The following RNF207 variants were observed in gnomAD, a reference collection of about 807,000 sequenced individuals.
The protein encoded by RNF207 is ring finger protein 207, also known as OTTHUMG00000001089.
RNF207 carries 72 observed loss-of-function variants against 79.0 expected under a neutral mutation model. The observed-to-expected ratio is 0.91, with a 90% confidence interval of 0.75 to 1.11. The LOEUF (loss-of-function observed/expected upper bound fraction) is 1.11. Ranked by LOEUF, RNF207 falls within the 50% of genes least tolerant of loss-of-function variation. The pLI is 0.00. For missense variants in RNF207, 936 were observed against 855.8 expected (o/e 1.09, Z -1.17); for synonymous variants, 348 against 366.2 (o/e 0.95, Z 0.57).
chr1:6,208,753 A>G, intron 3 of RNF207, 128 bp from the exon 4 acceptor site: 1 of 942,588 alleles, frequency 1.1e-6, no homozygotes. Flanking sequence ...GATTACAGGA[A>G]AGGGCTGCGT....
chr1:6,220,980 T>A lies in RNF207; in HGVS notation c.*1573T>A, dbSNP rs1224620503. The A allele has an allele frequency of 6.6e-6, 1 of 152,254 alleles. No homozygotes were observed. 9.4% of individuals were successfully genotyped at this position (152,254 alleles called of 1,614,324 possible). A position where few individuals can be genotyped will look rare whatever the true frequency, so the allele number is the denominator to read the frequency against. ...TGACGTCCACTGTCCCTGCACCTGC[T>A]ACTTCAGGGGCACTGAGGCTCCTGT... On this transcript the variant is annotated 3_prime_UTR_variant, in exon 18 of 18. Coordinates refer to ENST00000377939, the MANE Select transcript of RNF207 (RefSeq NM_207396.3).
Position 6,211,842 on chromosome 1 carries a change from G to T in RNF207, c.1110-25G>T. 6.5e-7 allele frequency: 1 copy of T among 1,534,994 alleles called. No individual in the cohort carries two copies. The highest frequency in any genetic ancestry group is 8.8e-7 in the Non-Finnish European group (1 of 1,136,476). On this transcript the variant is annotated intron_variant, in intron 12 of 17. Transcript: ENST00000377939. This position sits in a 1 kb window ranked among gnomAD's most constrained non-coding sequence, Gnocchi z 4.2. ...GAGGGGCAGACTTCCCCACCCCCCT[G>T]CATCCACACTGGCTCTCTCCCCAGG...
Position 6,206,631 on chromosome 1 carries a change from C to G in RNF207, c.96C>G (p.Tyr32Ter). ...PLVCPLCHVQYERPCLLDCFH... is the reference protein window; with the variant it reads ...PLVCPLCHVQ ...TGTGCCCGCTGTGCCACGTGCAGTA[C>G]GAGCGCCCGTGTCTTCTGGACTGTT... Residue 32 changes from tyrosine (Y) to a stop codon, truncating the protein, a stop_gained, in exon 2 of 18, where the codon TAC becomes TAG. Transcript: ENST00000377939. LOFTEE classifies it high-confidence loss of function. 1 of 1,608,098 alleles carries G rather than the reference C, an allele frequency of 6.2e-7. No individual in the cohort carries two copies. Among genetic ancestry groups the G allele is most frequent in the South Asian group, 1.1e-5 (1 of 91,070 alleles).
intron 16 of RNF207, among the ~76,000 whole-genome samples, chr1:6,218,070 C>A (rs1489404495): frequency 6.6e-6 from 1 of 152,282 alleles, no homozygotes; most frequent in Admixed American, 6.5e-5. Context: ...CCGACCAGCA[C>A]GCAGCTTCCA....
rs779911386 is a variant in RNF207 at position 6,207,886 on chromosome 1, G to A, written c.324+375G>A. ...GCATAGAAGCAGCTACAGCCCAGGG[G>A]AGGTGGGGACAGCATGCTGTTCCCT... On this transcript the variant is annotated intron_variant, in intron 3 of 17. Transcript: ENST00000377939. The surrounding 1 kb of genome is among the most constrained non-coding windows in gnomAD (Gnocchi z 4.5). 1.3e-4 allele frequency: 55 copies of A among 411,238 alleles called. No homozygotes were observed. The highest frequency in any genetic ancestry group is 2.3e-4 in the Non-Finnish European group (48 of 210,568). The allele number at this position is 411,238 out of a possible 1,614,324, so 25.5% of individuals were successfully genotyped here.
chr1:6,207,592 T>G lies in RNF207; in HGVS notation c.324+81T>G, dbSNP rs1421639936. On this transcript the variant is annotated intron_variant, in intron 3 of 17. Coordinates refer to ENST00000377939, the MANE Select transcript of RNF207 (RefSeq NM_207396.3). This position sits in a 1 kb window ranked among gnomAD's most constrained non-coding sequence, Gnocchi z 4.5. ...CCAATGCTTGCACATGCACTCAGCA[T>G]GTCTTCAGAGGACGACCTGGCAGTG... The G allele has an allele frequency of 1.4e-6, 2 of 1,469,986 alleles. No homozygotes were observed. Among genetic ancestry groups the G allele is most frequent in the Admixed American group, 3.9e-5 (2 of 51,058 alleles). 91.1% of individuals were successfully genotyped at this position (1,469,986 alleles called of 1,614,324 possible). A position where few individuals can be genotyped will look rare whatever the true frequency, so the allele number is the denominator to read the frequency against.
intron 2 of RNF207, 70 bp downstream of exon 2, chr1:6,206,796 G>C (rs1667924473): frequency 2.9e-6 from 4 of 1,364,000 alleles, no homozygotes; most frequent in Non-Finnish European, 4.0e-6. Context: ...CTCTGCCCGA[G>C]CTGGGACCCA....
At position 6,212,265 on chromosome 1, in the gene RNF207, A is replaced by G. The variant is rs1668205564; in HGVS notation, c.1331A>G (p.Gln444Arg). The change falls in exon 14 of 18, where the codon CAG (glutamine) becomes CGG (arginine). Residue 444 changes from glutamine (Q) to arginine (R), a missense_variant. Physicochemically the swap from Gln to Arg is conservative, Grantham distance 43 (BLOSUM62 1). Transcript: ENST00000377939. ...GCAGAGATGCAGAGCCTAAAGGACC[A>G]GGTACAGGAGCTGCACCGAGACCTC... is the stretch of plus-strand genomic sequence containing the variant. ...LQAEMQSLKD[Q>R]VQELHRDLTK... 1.2e-6 allele frequency: 2 copies of G among 1,613,528 alleles called. No homozygotes were observed. Among genetic ancestry groups the G allele is most frequent in the East Asian group, 2.2e-5 (1 of 44,882 alleles).
Position 6,207,673 on chromosome 1 carries a change from C to A in RNF207, c.324+162C>A, listed in dbSNP as rs765625806. Reference sequence around the variant, plus strand: ...GCCCCAAATGTGAACCCCATTATACCGGTGGGGAGACTGAGGTCCAGAACA... The same window carrying A: ...GCCCCAAATGTGAACCCCATTATACAGGTGGGGAGACTGAGGTCCAGAACA... On this transcript the variant is annotated intron_variant, in intron 3 of 17. Transcript: ENST00000377939. This position sits in a 1 kb window ranked among gnomAD's most constrained non-coding sequence, Gnocchi z 4.5. The A allele has an allele frequency of 1.2e-4, 95 of 811,434 alleles. 1 individual carries two copies. Among genetic ancestry groups the A allele is most frequent in the Non-Finnish European group, 1.8e-4 (87 of 484,856 alleles). 50.3% of individuals were successfully genotyped at this position (811,434 alleles called of 1,614,324 possible). A position where few individuals can be genotyped will look rare whatever the true frequency, so the allele number is the denominator to read the frequency against.
rs902180495 is a variant in RNF207, at chr1:6,209,380, G to A, written c.628-34G>A. The A allele has an allele frequency of 6.6e-6, 10 of 1,525,656 alleles. No homozygotes were observed. In the African/African-American group the frequency reaches 1.1e-4, roughly 17 times the overall value. The allele number at this position is 1,525,656 out of a possible 1,614,324, so 94.5% of individuals were successfully genotyped here. On this transcript the variant is annotated intron_variant, in intron 6 of 17. Coordinates refer to ENST00000377939, the MANE Select transcript of RNF207 (RefSeq NM_207396.3). ...GGCCTGGCGCGCGGGGCCGCGCGGC[G>A]GCGATCGCGAGCCTGACCACGCCCT...
At chr1:6,206,959 C>T (rs1667932752) in intron 2 of RNF207, among the ~76,000 whole-genome samples, 2 of 152,208 alleles carry the variant, frequency 1.3e-5, no homozygotes, top group South Asian at 4.1e-4. Context: ...GGCCCAAGAC[C>T]TCCCATCAAA....
intron 9 of RNF207, 27 bp downstream of exon 9, chr1:6,210,322 G>C: frequency 6.2e-7 from 1 of 1,613,142 alleles, no homozygotes; most frequent in Non-Finnish European, 8.5e-7. Context: ...GTGCGGGTGG[G>C]TCCCTCCTCC....
Position 6,210,220 on chromosome 1 carries a change from C to A in RNF207, c.801-3C>A. 6.2e-7 allele frequency: 1 copy of A among 1,613,082 alleles called. No individual in the cohort carries two copies. Among genetic ancestry groups the A allele is most frequent in the Non-Finnish European group, 8.5e-7 (1 of 1,179,476 alleles). Reference sequence around the variant, plus strand: ...TGGAAACCAGGCAGCCCCCCTCCCCCAGCCAATACGAAGAGAAGGACAAGG... The same window carrying A: ...TGGAAACCAGGCAGCCCCCCTCCCCAAGCCAATACGAAGAGAAGGACAAGG... On this transcript the variant is annotated splice_region_variant and splice_polypyrimidine_tract_variant and intron_variant, in intron 8 of 17. Transcript: ENST00000377939.
In RNF207 at chr1:6,209,284, T is replaced by A; in HGVS notation, c.568T>A (p.Cys190Ser). The A allele has an allele frequency of 6.5e-7, 1 of 1,548,756 alleles. No individual in the cohort carries two copies. Among genetic ancestry groups the A allele is most frequent in the East Asian group, 2.4e-5 (1 of 40,918 alleles). ...RDMQKESRAH[C>S]VDLESAYVQG... ...CTTCTGCAGGGAGAGCCGGGCACAC[T>A]GCGTGGACCTGGAATCGGCTTACGT... The change falls in exon 6 of 18, where the codon TGC becomes AGC. Residue 190 changes from cysteine (C) to serine (S), a missense_variant. Transcript: ENST00000377939.
chr1:6,210,766 C>T, intron 10 of RNF207, 104 bp from the exon 11 acceptor site: 1 of 1,039,044 alleles, frequency 9.6e-7, no homozygotes, highest in African/African-American at 1.6e-5. Flanking sequence ...CTAAGGGACA[C>T]CAAGTCAAGT....
Position 6,209,119 on chromosome 1 carries a change from G to A in RNF207, c.474G>A (p.Leu158=), listed in dbSNP as rs1278055695. ...RSRDVPQKCT[L]HAEPYLLFST... ...CACCGCCCGCCGCCCCCGCAGCGCT[G>A]CACGCAGAGCCCTACCTCTTGTTCT... The change falls in exon 5 of 18, where the codon CTG becomes CTA. Residue 158 remains leucine, a synonymous_variant. Transcript: ENST00000377939. 3 of 1,553,534 alleles carry A rather than the reference G, an allele frequency of 1.9e-6. No individual in the cohort carries two copies. The highest frequency in any genetic ancestry group is 1.7e-6 in the Non-Finnish European group (2 of 1,148,490).
At chr1:6,214,626 CTTTCT>C (rs1668297218) in intron 16 of RNF207, among the ~76,000 whole-genome samples, 2 of 95,608 alleles carry the variant, frequency 2.1e-5, no homozygotes, top group African/African-American at 1.2e-4. Flanking sequence ...TGGAATATTT[CTTTCT>C]TTTTTTTTTT....
chr1:6,210,324 C>A, intron 9 of RNF207, 29 bp downstream of exon 9: 1 of 1,612,788 alleles, frequency 6.2e-7, no homozygotes, highest in Middle Eastern at 1.7e-4. Flanking sequence ...GCGGGTGGGT[C>A]CCTCCTCCTC....
Position 6,206,639 on chromosome 1 carries a change from C to G in RNF207, c.104C>G (p.Pro35Arg). The G allele has an allele frequency of 6.2e-7, 1 of 1,608,246 alleles. No homozygotes were observed. Among genetic ancestry groups the G allele is most frequent in the East Asian group, 2.2e-5 (1 of 44,854 alleles). Reference sequence around the variant, plus strand: ...CTGTGCCACGTGCAGTACGAGCGCCCGTGTCTTCTGGACTGTTTCCACGAC... The same window carrying G: ...CTGTGCCACGTGCAGTACGAGCGCCGGTGTCTTCTGGACTGTTTCCACGAC... ...CPLCHVQYER[P>R]CLLDCFHDFC... The change falls in exon 2 of 18, where the codon CCG becomes CGG. Residue 35 changes from proline (P) to arginine (R), a missense_variant. Pro to Arg is a moderately radical substitution (Grantham distance 103). Transcript: ENST00000377939.
Sources: gnomAD v4.1 joint callset for allele counts (sites outside exome capture counted in the v4.1 genomes callset) on GRCh38, gnomAD v4.1.1 for gene constraint, Gnocchi (gnomAD v3.1) non-coding constraint, MANE v1.5 for transcripts, NCBI Gene and HGNC (gene_info 2026-07-23, HGNC 2026-07-21) for gene names.